AGGF1: variants seen among roughly 807,000 people sequenced by gnomAD.
The protein encoded by AGGF1 is angiogenic factor with G-patch and FHA domains 1, also known as angiogenic factor with G patch and FHA domains 1.
AGGF1 carries 56 observed loss-of-function variants against 86.5 expected under a neutral mutation model. The observed-to-expected ratio is 0.65, with a 90% CI of 0.52 to 0.81. The LOEUF (loss-of-function observed/expected upper bound fraction) is 0.81. AGGF1 is among the 30% of genes least tolerant of loss of function. The pLI is 0.00. For synonymous variants in AGGF1, 313 were observed against 297.1 expected, an observed-to-expected ratio of 1.05 and a Z score of -0.55; for missense variants, 816 against 850.9, an observed-to-expected ratio of 0.96 and a Z score of 0.51.
chr5:77,040,520 G>T (rs147804771), intron 5 of AGGF1, among the ~76,000 whole-genome samples: 4 of 152,040 alleles, frequency 2.6e-5, no homozygotes, highest in African/African-American at 9.6e-5. Flanking sequence ...GGTTAAGAAA[G>T]CGATAGTTAC....
At position 77,030,766 on chromosome 5, in the gene AGGF1, C is replaced by G; in HGVS notation, c.-1C>G. 4 of 1,570,442 alleles carry G rather than the reference C, an allele frequency of 2.5e-6. No individual in the cohort carries two copies. The highest frequency in any genetic ancestry group is 3.4e-6 in the Non-Finnish European group (4 of 1,164,472). On this transcript the variant is annotated 5_prime_UTR_variant, in exon 1 of 14. Transcript: ENST00000312916. ...CGACGAGCAGTCTCGCGCCGGAGCT[C>G]ATGGCCTCGGAGGCGCCGTCCCCGC...
chr5:77,033,070 A>G (rs1445911238), intron 1 of AGGF1, among the ~76,000 whole-genome samples: 2 of 152,220 alleles, frequency 1.3e-5, no homozygotes, highest in African/African-American at 2.4e-5. Flanking sequence ...TTTTAGTCCA[A>G]TATTAAAAAT....
At position 77,054,063 on chromosome 5, in the gene AGGF1, C is replaced by T. The variant is rs377439360; in HGVS notation, c.1566C>T (p.Thr522=). 45 of 1,613,982 alleles carry T rather than the reference C, an allele frequency of 2.8e-5. No homozygotes were observed. The highest frequency in any genetic ancestry group is 3.6e-5 in the Non-Finnish European group (43 of 1,180,022). ...LSFHIHPGSD[T]CDGCEPGQVR... ...TTCACATTCATCCTGGCAGTGATAC[C>T]TGTGATGGCTGTGAACCAGGGCAGG... The change falls in exon 10 of 14, where the codon ACC becomes ACT. Residue 522 remains threonine (T), a synonymous_variant. Coordinates refer to ENST00000312916, the MANE Select transcript of AGGF1 (RefSeq NM_018046.5).
chr5:77,041,370 C>T (rs1747076489), intron 5 of AGGF1, among the ~76,000 whole-genome samples: 1 of 151,946 alleles, frequency 6.6e-6, no homozygotes, highest in Admixed American at 6.6e-5. Context: ...AGTTCAAGAC[C>T]AGCCTGGCCA....
intron 12 of AGGF1, among the ~76,000 whole-genome samples, chr5:77,060,242 T>C (rs559272688): frequency 1.3e-5 from 2 of 152,320 alleles, no homozygotes; most frequent in East Asian, 3.9e-4. Context: ...CCTAAAAAAT[T>C]GCTGAGCAAA....
Position 77,030,779 on chromosome 5 carries a change from GCGCCGTCCCCGC to G in AGGF1, c.17_28del (p.Pro6_Pro9del). The G allele has an allele frequency of 2.5e-6, 4 of 1,579,052 alleles. No homozygotes were observed. The highest frequency in any genetic ancestry group is 3.4e-6 in the Non-Finnish European group (4 of 1,168,144). The stretch of plus-strand genomic sequence containing the variant: ...CGCGCCGGAGCTCATGGCCTCGGAG[GCGCCGTCCCCGC>G]CGCGGTCGCCGCCGCCGCCCACCTC... On this transcript the variant is annotated inframe_deletion, in exon 1 of 14. Coordinates refer to ENST00000312916, the MANE Select transcript of AGGF1 (RefSeq NM_018046.5).
rs1042245740 is a variant in AGGF1, at chr5:77,063,573, A to G, written c.*321A>G. 1 of 324,016 alleles carries G rather than the reference A, an allele frequency of 3.1e-6. No homozygotes were observed. The highest frequency in any genetic ancestry group is 7.8e-5 in the East Asian group (1 of 12,856). The allele number at this position is 324,016 out of a possible 1,614,324, so 20.1% of individuals were successfully genotyped here. A position where few individuals can be genotyped will look rare whatever the true frequency, so the allele number is the denominator to read the frequency against. ...AGCAAAATTCATAGAACTACTAATG[A>G]CTTAAGTGTACATCTGTTCTTGTCT... On this transcript the variant is annotated 3_prime_UTR_variant, in exon 14 of 14. Transcript: ENST00000312916.
At chr5:77,034,596 A>G in intron 2 of AGGF1, 76 bp downstream of exon 2, 1 of 1,015,414 alleles carries the variant, frequency 9.8e-7, no homozygotes. Context: ...CTTTTAATTT[A>G]AAATAAACAA....
intron 9 of AGGF1, among the ~76,000 whole-genome samples, chr5:77,053,121 T>C (rs999060048): frequency 1.3e-5 from 2 of 152,228 alleles, no homozygotes; most frequent in African/African-American, 4.8e-5. Flanking sequence ...ATTGTCTTAA[T>C]GGAAATGTTA....
At chr5:77,039,475 G>A (rs752932626) in intron 4 of AGGF1, 56 bp from the exon 5 acceptor site, 69 of 1,415,758 alleles carry the variant, frequency 4.9e-5, no homozygotes, top group Non-Finnish European at 6.3e-5. Context: ...TGGCATTTTC[G>A]TTAAGTTTAT....
rs371044662 is a variant in AGGF1 at position 77,054,119 on chromosome 5, A to G, written c.1622A>G (p.Asp541Gly). 28 of 1,614,060 alleles carry G rather than the reference A, an allele frequency of 1.7e-5. No homozygotes were observed. Among genetic ancestry groups the G allele is most frequent in the South Asian group, 3.3e-5 (3 of 91,090 alleles). Residue 541 changes from aspartate (D) to glycine (G), a missense_variant, in exon 10 of 14, where the codon GAT becomes GGT. Physicochemically the swap from Asp to Gly is moderately conservative, Grantham distance 94. This residue lies in a region of AGGF1 where 565 missense variants were observed against 585.8 expected (regional missense o/e 0.96). Transcript: ENST00000312916. ...VRAHLRLDKKDESFVGPTLSK... is the reference protein window; with the variant it reads ...VRAHLRLDKKGESFVGPTLSK... ...GCCCACCTTCGCCTTGATAAGAAAG[A>G]TGAATCTTTTGGTATGTGAAACAGA...
At chr5:77,035,213 G>A (rs1746941262) in intron 2 of AGGF1, among the ~76,000 whole-genome samples, 1 of 152,122 alleles carries the variant, frequency 6.6e-6, no homozygotes, top group South Asian at 2.1e-4. Context: ...CCAGTTAGAA[G>A]TTAAGAGTTA....
intron 5 of AGGF1, among the ~76,000 whole-genome samples, chr5:77,044,203 C>T (rs958697278): frequency 5.5e-4 from 83 of 150,360 alleles, no homozygotes; most frequent in African/African-American, 2.0e-3. Context: ...GCTGCAATCT[C>T]GGCACTTTGG....
At chr5:77,062,911 A>G in intron 13 of AGGF1, 141 bp from the exon 14 acceptor site, 1 of 793,624 alleles carries the variant, frequency 1.3e-6, no homozygotes, top group Non-Finnish European at 2.2e-6. Flanking sequence ...ATATTCCTGT[A>G]TGTATTTGAT....
At chr5:77,062,268 G>A (rs1747574682) in intron 13 of AGGF1, among the ~76,000 whole-genome samples, 1 of 152,130 alleles carries the variant, frequency 6.6e-6, no homozygotes, top group African/African-American at 2.4e-5. Context: ...AGGAGGTTTA[G>A]GTTATCTTTC....
rs373603610 is a variant in AGGF1, at chr5:77,048,541, G to A, written c.1313+269G>A. Among the ~76,000 whole-genome samples, 52 of 152,048 alleles carry A rather than the reference G, an allele frequency of 3.4e-4. No homozygotes were observed. In the East Asian group the frequency reaches 9.1e-3, roughly 27 times the overall value. ...TGATTTTTGTGTTTTTAGTAGAGAC[G>A]GGGGTTTCACCATGTTGGCCAGACT... On this transcript the variant is annotated intron_variant, in intron 7 of 13. Coordinates refer to ENST00000312916, the MANE Select transcript of AGGF1 (RefSeq NM_018046.5).
rs1742746162 is a variant in AGGF1, at chr5:77,064,319, T to C, written c.*1067T>C. On this transcript the variant is annotated 3_prime_UTR_variant, in exon 14 of 14. Coordinates refer to ENST00000312916, the MANE Select transcript of AGGF1 (RefSeq NM_018046.5). ...CAGGTGTTTGCTGGGAAATTAACAC[T>C]GGAACTGACCCTTTTCTGGCAGTGA... 2 of 152,254 alleles carry C rather than the reference T, an allele frequency of 1.3e-5. No homozygotes were observed. The highest frequency in any genetic ancestry group is 1.3e-4 in the Admixed American group (2 of 15,280). 9.4% of individuals were successfully genotyped at this position (152,254 alleles called of 1,614,324 possible). A position where few individuals can be genotyped will look rare whatever the true frequency, so the allele number is the denominator to read the frequency against.
chr5:77,044,548 G>A (rs1276989112), intron 5 of AGGF1, among the ~76,000 whole-genome samples: 5 of 152,082 alleles, frequency 3.3e-5, no homozygotes, highest in African/African-American at 1.2e-4. Context: ...TTCACTTAAT[G>A]ACTATCTAAT....
intron 2 of AGGF1, 61 bp downstream of exon 2, chr5:77,034,581 G>T: frequency 8.6e-7 from 1 of 1,158,674 alleles, no homozygotes; most frequent in Non-Finnish European, 1.3e-6. Flanking sequence ...CTAATGTTGC[G>T]TTTTCTTTTA....
Sources: gnomAD v4.1 joint callset for allele counts (sites outside exome capture counted in the v4.1 genomes callset) on GRCh38, gnomAD v4.1.1 for gene constraint, gnomAD v4.1.1 regional missense constraint, MANE v1.5 for transcripts, NCBI Gene and HGNC (gene_info 2026-07-23, HGNC 2026-07-21) for gene names.